The following SGMS1 variants were observed in gnomAD, a reference collection of about 807,000 sequenced individuals.
SGMS1 encodes sphingomyelin synthase 1, also known as phosphatidylcholine:ceramide cholinephosphotransferase 1.
A neutral mutation model predicts 46.2 loss-of-function variants in SGMS1; 13 were observed. The ratio of observed to expected loss-of-function variants is 0.28; its 90% confidence interval spans 0.18 to 0.45. The LOEUF (loss-of-function observed/expected upper bound fraction) is 0.45. Among genes scored for constraint, SGMS1 ranks in the 20% least tolerant of loss-of-function variants. The pLI, the probability that SGMS1 is intolerant of heterozygous loss-of-function variation, is 1.00. For synonymous variants in SGMS1, 203 were observed against 187.8 expected (o/e 1.08, Z -0.66); for missense variants, 324 against 519.9 (o/e 0.62, Z 3.66).
At chr10:50,609,425 C>T (rs1011729169) in intron 1 of SGMS1, among the ~76,000 whole-genome samples, 13 of 151,890 alleles carry the variant, frequency 8.6e-5, no homozygotes, top group East Asian at 3.9e-4. Flanking sequence ...TAGACTAAGA[C>T]CTGTTGAGGA....
At chr10:50,467,680 C>G (rs1303821934) in intron 3 of SGMS1, among the ~76,000 whole-genome samples, 1 of 152,178 alleles carries the variant, frequency 6.6e-6, no homozygotes, top group African/African-American at 2.4e-5. Flanking sequence ...CTTCAAATAG[C>G]ACACATTAGT....
At chr10:50,548,153 C>T (rs563489346) in intron 2 of SGMS1, among the ~76,000 whole-genome samples, 1 of 152,130 alleles carries the variant, frequency 6.6e-6, no homozygotes, top group African/African-American at 2.4e-5. Flanking sequence ...TCTCACACTG[C>T]TATAAGGATA....
intron 8 of SGMS1, among the ~76,000 whole-genome samples, chr10:50,312,739 G>A (rs954751109): frequency 2.6e-5 from 4 of 152,002 alleles, no homozygotes; most frequent in Non-Finnish European, 5.9e-5. Context: ...AATATTTACC[G>A]CTTATATACT....
intron 9 of SGMS1, among the ~76,000 whole-genome samples, chr10:50,310,785 C>T (rs12261584): frequency 0.011 from 1,719 of 152,220 alleles, 35 homozygotes; most frequent in African/African-American, 0.04. Flanking sequence ...TAGTATCTGC[C>T]TCAGCCCTGA....
chr10:50,404,409 C>G (rs1848984636), intron 6 of SGMS1, among the ~76,000 whole-genome samples: 1 of 151,256 alleles, frequency 6.6e-6, no homozygotes, highest in Non-Finnish European at 1.5e-5. Context: ...GAGTATGTGA[C>G]CAGCTTGAGA....
At chr10:50,379,593 A>G (rs1476682052) in intron 6 of SGMS1, among the ~76,000 whole-genome samples, 2 of 152,208 alleles carry the variant, frequency 1.3e-5, no homozygotes, top group African/African-American at 4.8e-5. Flanking sequence ...ATTACATATC[A>G]TTCTATGCTT....
intron 5 of SGMS1, among the ~76,000 whole-genome samples, chr10:50,440,208 A>G (rs529753513): frequency 6.6e-6 from 1 of 152,060 alleles, no homozygotes; most frequent in East Asian, 1.9e-4. Flanking sequence ...AAAAGGGGTT[A>G]AAACACCCCA....
chr10:50,529,827 C>T (rs574461953), intron 2 of SGMS1, among the ~76,000 whole-genome samples: 8 of 152,274 alleles, frequency 5.3e-5, no homozygotes, highest in African/African-American at 1.9e-4. Context: ...AATTACTATA[C>T]CGTACCATAC....
intron 5 of SGMS1, among the ~76,000 whole-genome samples, chr10:50,449,247 AT>A (rs1032357059): frequency 6.6e-6 from 1 of 152,200 alleles, no homozygotes; most frequent in Non-Finnish European, 1.5e-5. Context: ...CCTATGTATT[AT>A]TTTTGCTTGA....
chr10:50,363,211 G>A (rs1048159874), intron 6 of SGMS1, among the ~76,000 whole-genome samples: 4 of 152,002 alleles, frequency 2.6e-5, no homozygotes, highest in Admixed American at 1.3e-4. Context: ...CAAAACAGTC[G>A]AAGAGAACAG....
At chr10:50,614,438 T>C (rs1356812619) in intron 1 of SGMS1, among the ~76,000 whole-genome samples, 2 of 152,196 alleles carry the variant, frequency 1.3e-5, no homozygotes, top group Non-Finnish European at 2.9e-5. Context: ...TGACTGTAAC[T>C]AGAAGTAGTA....
intron 6 of SGMS1, among the ~76,000 whole-genome samples, chr10:50,432,786 G>A (rs1295932617): frequency 6.6e-6 from 1 of 152,172 alleles, no homozygotes; most frequent in East Asian, 1.9e-4. Context: ...ATATACAGAT[G>A]AGTTGACTAA....
chr10:50,380,813 T>G (rs1383715649), intron 6 of SGMS1, among the ~76,000 whole-genome samples: 2 of 152,152 alleles, frequency 1.3e-5, no homozygotes, highest in Non-Finnish European at 2.9e-5. Flanking sequence ...GAACAATATC[T>G]GTGAAAACAG....
intron 6 of SGMS1, among the ~76,000 whole-genome samples, chr10:50,404,510 C>T (rs1208124860): frequency 1.3e-5 from 2 of 151,806 alleles, no homozygotes; most frequent in South Asian, 2.1e-4. Context: ...TTGGGAGGAG[C>T]GAGCATTGCT....
intron 7 of SGMS1, among the ~76,000 whole-genome samples, chr10:50,330,444 C>T (rs924097117): frequency 6.6e-6 from 1 of 152,096 alleles, no homozygotes; most frequent in Non-Finnish European, 1.5e-5. Flanking sequence ...ATGACTGTGC[C>T]ACTGCACTCC....
At chr10:50,388,699 G>A (rs1309542726) in intron 6 of SGMS1, among the ~76,000 whole-genome samples, 1 of 152,010 alleles carries the variant, frequency 6.6e-6, no homozygotes, top group African/African-American at 2.4e-5. Context: ...AGAATAAATG[G>A]AAAAAGTGGG....
chr10:50,446,448 G>C (rs1055743081), intron 5 of SGMS1, among the ~76,000 whole-genome samples: 1 of 152,078 alleles, frequency 6.6e-6, no homozygotes, highest in African/African-American at 2.4e-5. Flanking sequence ...AATATCAGGG[G>C]CTGGTTTCCC....
intron 5 of SGMS1, among the ~76,000 whole-genome samples, chr10:50,444,807 A>G (rs1360614859): frequency 3.9e-5 from 6 of 152,190 alleles, no homozygotes; most frequent in African/African-American, 1.4e-4. Flanking sequence ...AACGTAGAAC[A>G]ATGGCTTTGC....
At chr10:50,427,330 T>C (rs1588815059) in intron 6 of SGMS1, among the ~76,000 whole-genome samples, 2 of 152,208 alleles carry the variant, frequency 1.3e-5, no homozygotes, top group East Asian at 1.9e-4. Flanking sequence ...ACCCGGTAGG[T>C]GGAGCTTGCA....
Sources: gnomAD v4.1 joint callset for allele counts (sites outside exome capture counted in the v4.1 genomes callset) on GRCh38, gnomAD v4.1.1 for gene constraint, MANE v1.5 for transcripts, NCBI Gene and HGNC (gene_info 2026-07-23, HGNC 2026-07-21) for gene names.